Variants in SEMA5A observed in about 807,000 individuals in gnomAD.
The protein encoded by SEMA5A is semaphorin-5A.
In SEMA5A, 55 loss-of-function variants were observed where a neutral mutation model predicts 135.5. The observed-to-expected ratio is 0.41, with a 90% CI of 0.33 to 0.51. The LOEUF is 0.51. Ranked by LOEUF, SEMA5A falls within the 20% of genes least tolerant of loss-of-function variation. The probability of loss-of-function intolerance (pLI) is 0.37; values close to 1 mark genes in which losing one functional copy is unlikely to be tolerated. For synonymous variants in SEMA5A, 580 were observed against 546.5 expected, an observed-to-expected ratio of 1.06 and a Z score of -0.85; for missense variants, 1,290 against 1,419.9, an observed-to-expected ratio of 0.91 and a Z score of 1.47.
intron 11 of SEMA5A, among the ~76,000 whole-genome samples, chr5:9,157,163 AG>A (rs35080276): frequency 0.094 from 14,345 of 152,210 alleles, 782 homozygotes; most frequent in Middle Eastern, 0.19. Flanking sequence ...CCTCTGCATC[AG>A]GTTTAGCACA....
At chr5:9,104,860 C>T (rs1261691929) in intron 16 of SEMA5A, among the ~76,000 whole-genome samples, 1 of 152,162 alleles carries the variant, frequency 6.6e-6, no homozygotes, top group Non-Finnish European at 1.5e-5. Flanking sequence ...GGGGAGTAAA[C>T]ATCTGTGTTT....
chr5:9,258,748 G>A (rs913968314), intron 5 of SEMA5A, among the ~76,000 whole-genome samples: 3 of 142,270 alleles, frequency 2.1e-5, no homozygotes, highest in African/African-American at 7.8e-5. Context: ...GTAAGCCTGT[G>A]ATATTGTTAA....
At chr5:9,043,880 C>T (rs1277194225) in intron 22 of SEMA5A, among the ~76,000 whole-genome samples, 2 of 152,154 alleles carry the variant, frequency 1.3e-5, no homozygotes, top group African/African-American at 4.8e-5. Context: ...GTGTTGGAAT[C>T]ATGCTCAGAG....
chr5:9,297,557 T>C (rs1751401712), intron 5 of SEMA5A, among the ~76,000 whole-genome samples: 1 of 152,116 alleles, frequency 6.6e-6, no homozygotes, highest in Non-Finnish European at 1.5e-5. Flanking sequence ...CTGTTTTTTT[T>C]GTTTACTTGT....
chr5:9,509,259 AATTATT>A (rs112585205), intron 1 of SEMA5A, among the ~76,000 whole-genome samples: 132,472 of 149,948 alleles, frequency 0.88, 58,705 homozygotes, highest in Middle Eastern at 0.95. Flanking sequence ...TCCAACATAA[AATTATT>A]ATTATTATTA....
chr5:9,059,824 A>G (rs956395768), intron 18 of SEMA5A, among the ~76,000 whole-genome samples: 4 of 152,248 alleles, frequency 2.6e-5, no homozygotes, highest in African/African-American at 9.6e-5. Context: ...TGCTGGGATT[A>G]CAAGTGTGAG....
chr5:9,291,872 G>C (rs1751100738), intron 5 of SEMA5A, among the ~76,000 whole-genome samples: 1 of 151,446 alleles, frequency 6.6e-6, no homozygotes, highest in South Asian at 2.1e-4. Context: ...TTGTGGTGCT[G>C]ATTAGGTAGC....
intron 13 of SEMA5A, among the ~76,000 whole-genome samples, chr5:9,124,971 T>C (rs892390352): frequency 6.6e-5 from 10 of 152,190 alleles, no homozygotes; most frequent in Admixed American, 2.6e-4. Context: ...AACAACTCTA[T>C]GTACCATACA....
chr5:9,341,668 T>C (rs1199738292), intron 3 of SEMA5A, among the ~76,000 whole-genome samples: 4 of 77,212 alleles, frequency 5.2e-5, no homozygotes, highest in Non-Finnish European at 9.9e-5. Context: ...ATATATATAA[T>C]ATATATTATA....
chr5:9,222,133 C>G (rs565718716), intron 8 of SEMA5A, among the ~76,000 whole-genome samples: 1 of 152,242 alleles, frequency 6.6e-6, no homozygotes, highest in East Asian at 1.9e-4. Context: ...AGACCTGAGA[C>G]AAGGGCATCT....
At chr5:9,359,352 A>T (rs1384694078) in intron 3 of SEMA5A, among the ~76,000 whole-genome samples, 1 of 152,232 alleles carries the variant, frequency 6.6e-6, no homozygotes, top group Non-Finnish European at 1.5e-5. Context: ...GGCATACTGT[A>T]TGTAAGGCAC....
intron 4 of SEMA5A, among the ~76,000 whole-genome samples, chr5:9,326,067 G>C (rs1752859275): frequency 6.6e-6 from 1 of 152,168 alleles, no homozygotes; most frequent in Non-Finnish European, 1.5e-5. Context: ...TGAGCCAGTT[G>C]GGGAAGGCTG....
At position 9,237,868 on chromosome 5, in the gene SEMA5A, T is replaced by C; in HGVS notation, c.293A>G (p.Glu98Gly). 6.2e-7 allele frequency: 1 copy of C among 1,613,638 alleles called. No individual in the cohort carries two copies. ...GCTGTAACAGGCCTTTTTGGTAGCT[T>C]CATCACACTCCCATTCCACAGCCTG... ...LIQAVEWECD[E>G]ATKKACYSKG... The change falls in exon 6 of 23, where the codon GAA becomes GGA. Residue 98 changes from glutamate to glycine, a missense_variant. By Grantham distance (98) the Glu-to-Gly change is moderately conservative (BLOSUM62 -2). Around this residue, in one of 3 missense-constraint regions of SEMA5A, gnomAD observed 116 missense variants for 121.3 expected, o/e 0.96. Coordinates refer to ENST00000382496, the MANE Select transcript of SEMA5A (RefSeq NM_003966.3).
chr5:9,310,764 T>C (rs1752088963), intron 5 of SEMA5A, among the ~76,000 whole-genome samples: 1 of 149,450 alleles, frequency 6.7e-6, no homozygotes, highest in Non-Finnish European at 1.5e-5. Flanking sequence ...GCAGCTTCTT[T>C]AGAACTGGCA....
intron 3 of SEMA5A, among the ~76,000 whole-genome samples, chr5:9,349,908 A>C (rs1754037820): frequency 6.6e-6 from 1 of 151,886 alleles, no homozygotes; most frequent in Non-Finnish European, 1.5e-5. Context: ...TCTCAAAAAA[A>C]CAAAACAAAC....
At chr5:9,250,111 T>A (rs536651017) in intron 5 of SEMA5A, among the ~76,000 whole-genome samples, 13 of 152,220 alleles carry the variant, frequency 8.5e-5, no homozygotes, top group African/African-American at 2.4e-4. Context: ...TGGAAAGCAG[T>A]GTGGCTGTAG....
chr5:9,411,182 C>T (rs1206811929), intron 2 of SEMA5A, among the ~76,000 whole-genome samples: 3 of 152,170 alleles, frequency 2.0e-5, no homozygotes, highest in African/African-American at 7.2e-5. Flanking sequence ...TCAAGTGACA[C>T]GTCTTTAGCA....
intron 11 of SEMA5A, among the ~76,000 whole-genome samples, chr5:9,184,268 C>A (rs186947527): frequency 6.7e-6 from 1 of 149,258 alleles, no homozygotes; most frequent in Non-Finnish European, 1.5e-5. Context: ...TTTTTTTTTC[C>A]TCCTCAATAC....
chr5:9,144,467 A>G (rs561999216), intron 12 of SEMA5A, among the ~76,000 whole-genome samples: 1 of 152,328 alleles, frequency 6.6e-6, no homozygotes, highest in African/African-American at 2.4e-5. Context: ...GAAGAGGTTC[A>G]ATGCCAAGGA....
Sources: gnomAD v4.1 joint callset for allele counts (sites outside exome capture counted in the v4.1 genomes callset) on GRCh38, gnomAD v4.1.1 for gene constraint, gnomAD v4.1.1 regional missense constraint, MANE v1.5 for transcripts, NCBI Gene and HGNC (gene_info 2026-07-23, HGNC 2026-07-21) for gene names.